RAD51B: variants seen among roughly 807,000 people sequenced by gnomAD.
The protein encoded by RAD51B is DNA repair protein RAD51 homolog 2.
RAD51B carries 38 observed loss-of-function variants against 42.2 expected under a neutral mutation model. That is an observed-to-expected ratio of 0.90 (90% CI 0.70 to 1.18). RAD51B has a LOEUF of 1.18. Ranked by LOEUF, RAD51B falls within the 50% of genes most tolerant of loss-of-function variation. The pLI is 0.00. For synonymous variants in RAD51B, 154 were observed against 145.2 expected, an observed-to-expected ratio of 1.06 and a Z score of -0.43; for missense variants, 373 against 400.7, an observed-to-expected ratio of 0.93 and a Z score of 0.59.
rs549741369 is a variant in RAD51B, at chr14:68,413,948, A to G, written c.957+2421A>G. 2.6e-5 allele frequency among the ~76,000 whole-genome samples: 4 copies of G among 151,704 alleles called. No homozygotes were observed. In the South Asian group the frequency reaches 8.3e-4, roughly 32 times the overall value. On this transcript the variant is annotated intron_variant, in intron 9 of 10. Coordinates refer to ENST00000471583, the MANE Select transcript of RAD51B (RefSeq NM_133510.4). ...TTTGTTTTTTAGGGTTTTTTTTCCA[A>G]TGCCCAAGCAGAGGCCACTACACCC...
intron 8 of RAD51B, among the ~76,000 whole-genome samples, chr14:68,327,725 A>G (rs1292045184): frequency 9.4e-6 from 1 of 106,860 alleles, no homozygotes; most frequent in Non-Finnish European, 2.5e-5. Context: ...AGAAGGTATT[A>G]TTAAAAAAAA....
At chr14:68,674,354 CAT>C (rs757495900) in intron 11 of RAD51B, among the ~76,000 whole-genome samples, 4 of 152,048 alleles carry the variant, frequency 2.6e-5, no homozygotes, top group Non-Finnish European at 4.4e-5. Context: ...TAGAAAACAA[CAT>C]GTTATTGTGT....
At chr14:68,254,741 C>T (rs966958807) in intron 7 of RAD51B, among the ~76,000 whole-genome samples, 2 of 152,150 alleles carry the variant, frequency 1.3e-5, no homozygotes, top group African/African-American at 4.8e-5. Flanking sequence ...ATTTTATGCA[C>T]TTAGAAACAT....
intron 10 of RAD51B, among the ~76,000 whole-genome samples, chr14:68,558,107 C>T (rs1049437632): frequency 3.3e-5 from 5 of 152,216 alleles, no homozygotes; most frequent in African/African-American, 1.2e-4. Context: ...TCCCCATTTC[C>T]AGGTGATCAA....
intron 7 of RAD51B, among the ~76,000 whole-genome samples, chr14:68,051,838 A>G (rs1334247282): frequency 6.6e-6 from 1 of 151,822 alleles, no homozygotes; most frequent in African/African-American, 2.4e-5. Context: ...CCTGGCCTCA[A>G]GCGATTCTCC....
chr14:68,072,127 A>T (rs190757555), intron 7 of RAD51B, among the ~76,000 whole-genome samples: 13 of 135,324 alleles, frequency 9.6e-5, no homozygotes, highest in Non-Finnish European at 1.9e-4. Flanking sequence ...TATAAAATAT[A>T]TATATAATTA....
At chr14:68,370,100 G>A (rs577563412) in intron 8 of RAD51B, among the ~76,000 whole-genome samples, 174 of 152,250 alleles carry the variant, frequency 1.1e-3, no homozygotes, top group African/African-American at 4.0e-3. Context: ...CTAAGCTTGT[G>A]GGAGTTATTT....
intron 10 of RAD51B, among the ~76,000 whole-genome samples, chr14:68,532,397 A>C (rs896410371): frequency 2.0e-5 from 3 of 152,202 alleles, no homozygotes; most frequent in Non-Finnish European, 4.4e-5. Context: ...AAGAGAACAT[A>C]ATTTATAATG....
intron 7 of RAD51B, among the ~76,000 whole-genome samples, chr14:67,928,467 G>A (rs2044606567): frequency 6.6e-6 from 1 of 152,068 alleles, no homozygotes; most frequent in Non-Finnish European, 1.5e-5. Context: ...TGTCTGATTT[G>A]CATACAGCCC....
At chr14:67,884,279 G>A (rs530139162) in intron 5 of RAD51B, among the ~76,000 whole-genome samples, 19 of 152,264 alleles carry the variant, frequency 1.2e-4, no homozygotes, top group African/African-American at 4.1e-4. Context: ...TGGCAAAGCA[G>A]CAGTAAGTTC....
intron 7 of RAD51B, among the ~76,000 whole-genome samples, chr14:67,899,939 C>G (rs2043553270): frequency 6.6e-6 from 1 of 152,170 alleles, no homozygotes; most frequent in African/African-American, 2.4e-5. Context: ...TGCATGTGTT[C>G]TTATTCATAA....
chr14:67,829,331 C>T (rs1393618442), intron 3 of RAD51B, among the ~76,000 whole-genome samples: 4 of 151,994 alleles, frequency 2.6e-5, no homozygotes, highest in Non-Finnish European at 5.9e-5. Flanking sequence ...CAAGCTCTGC[C>T]TCCTGGGTTC....
intron 7 of RAD51B, among the ~76,000 whole-genome samples, chr14:68,124,838 A>T (rs2077723379): frequency 6.6e-6 from 1 of 151,944 alleles, no homozygotes. Flanking sequence ...AATTCCAGCT[A>T]CTTGGGAGGC....
At chr14:68,051,937 A>C (rs1283707579) in intron 7 of RAD51B, among the ~76,000 whole-genome samples, 1 of 152,018 alleles carries the variant, frequency 6.6e-6, no homozygotes, top group African/African-American at 2.4e-5. Flanking sequence ...AAAGAGGTCA[A>C]CTTACTAGCT....
intron 2 of RAD51B, among the ~76,000 whole-genome samples, chr14:67,824,149 C>G (rs1316463214): frequency 6.6e-6 from 1 of 152,232 alleles, no homozygotes; most frequent in African/African-American, 2.4e-5. Flanking sequence ...TGATCTTGAA[C>G]TCCTGGCCTT....
downstream of RAD51B, among the ~76,000 whole-genome samples, chr14:68,599,873 C>T (rs1287403668): frequency 6.6e-6 from 1 of 152,350 alleles, no homozygotes; most frequent in East Asian, 1.9e-4. Context: ...TCCCCAGGGG[C>T]TCCCGAAAGA....
intron 7 of RAD51B, among the ~76,000 whole-genome samples, chr14:68,171,746 G>A (rs141482095): frequency 1.5e-4 from 22 of 151,540 alleles, no homozygotes; most frequent in South Asian, 2.1e-4. Flanking sequence ...TCGCTCTGTC[G>A]CCCAGGCTGG....
At chr14:68,282,144 A>G (rs1164481691) in intron 7 of RAD51B, among the ~76,000 whole-genome samples, 3 of 152,034 alleles carry the variant, frequency 2.0e-5, no homozygotes, top group Non-Finnish European at 4.4e-5. Flanking sequence ...ACAACGCCTG[A>G]CTAATTTTTT....
At position 68,397,188 on chromosome 14, in the gene RAD51B, G is replaced by A. The variant is rs370500150; in HGVS notation, c.854-14236G>A. ...GATGTGGGACACATTACCCAAAGTT[G>A]GTAGTCTTGATCACTTTGCGGATGC... On this transcript the variant is annotated intron_variant, in intron 8 of 10. Coordinates refer to ENST00000471583, the MANE Select transcript of RAD51B (RefSeq NM_133510.4). Among the ~76,000 whole-genome samples, 6 of 152,324 alleles carry A rather than the reference G, an allele frequency of 3.9e-5. No individual in the cohort carries two copies. The East Asian group carries it at 1.2e-3, about 29-fold the overall frequency.
Sources: allele counts gnomAD v4.1 joint callset (sites outside exome capture counted in the v4.1 genomes callset), GRCh38; gene constraint gnomAD v4.1.1; transcripts MANE v1.5; gene names NCBI Gene and HGNC (gene_info 2026-07-23, HGNC 2026-07-21).